The following CDIN1 variants were observed in gnomAD, a reference collection of about 807,000 sequenced individuals.
CDIN1 encodes CDAN1-interacting nuclease 1.
CDIN1 carries 33 observed loss-of-function variants against 45.3 expected under a neutral mutation model. The ratio of observed to expected loss-of-function variants is 0.73; its 90% confidence interval spans 0.55 to 0.97. CDIN1 has a LOEUF of 0.97. Ranked by LOEUF, CDIN1 falls within the 50% of genes least tolerant of loss-of-function variation. The probability of loss-of-function intolerance (pLI) is 0.00; values close to 1 mark genes in which losing one functional copy is unlikely to be tolerated. For synonymous variants in CDIN1, 118 were observed against 124.4 expected (o/e 0.95, Z 0.34); for missense variants, 303 against 339.4 (o/e 0.89, Z 0.84).
chr15:36,791,764 A>T (rs11634819), intron 10 of CDIN1, among the ~76,000 whole-genome samples: 130,627 of 152,002 alleles, frequency 0.86, 59,669 homozygotes, highest in Non-Finnish European at 1. Context: ...GATGTGTTTT[A>T]GCAGTGGTCC....
intron 5 of CDIN1, among the ~76,000 whole-genome samples, chr15:36,680,911 A>G (rs1242982239): frequency 1.3e-5 from 2 of 152,184 alleles, no homozygotes; most frequent in Non-Finnish European, 2.9e-5. Context: ...TTGCAAAACT[A>G]AACATGAAAC....
At chr15:36,622,217 C>G (rs752951375) in intron 1 of CDIN1, among the ~76,000 whole-genome samples, 2 of 151,812 alleles carry the variant, frequency 1.3e-5, no homozygotes, top group African/African-American at 2.4e-5. Context: ...AGTTTATATG[C>G]AAAATAGGTC....
At chr15:36,709,176 G>A in intron 8 of CDIN1, 47 bp from the exon 9 acceptor site, 5 of 1,474,866 alleles carry the variant, frequency 3.4e-6, no homozygotes, top group South Asian at 1.3e-5. Flanking sequence ...TTCCTATCTT[G>A]TTAATTGAAT....
At chr15:36,773,473 G>A (rs151302583) in intron 10 of CDIN1, among the ~76,000 whole-genome samples, 21 of 152,180 alleles carry the variant, frequency 1.4e-4, no homozygotes, top group Non-Finnish European at 1.5e-4. Flanking sequence ...AATATTACAC[G>A]TGGCTAGTGG....
intron 10 of CDIN1, among the ~76,000 whole-genome samples, chr15:36,796,976 A>G (rs980607347): frequency 6.6e-6 from 1 of 152,222 alleles, no homozygotes; most frequent in Non-Finnish European, 1.5e-5. Context: ...AATACATTAA[A>G]AGCCGCACAA....
At chr15:36,765,118 C>T (rs1435168174) in intron 10 of CDIN1, among the ~76,000 whole-genome samples, 6 of 141,890 alleles carry the variant, frequency 4.2e-5, no homozygotes, top group East Asian at 2.1e-4. Context: ...TGCAGTGGTG[C>T]GATCTCAGCT....
At chr15:36,663,930 A>G (rs1358737694) in intron 5 of CDIN1, among the ~76,000 whole-genome samples, 1 of 152,200 alleles carries the variant, frequency 6.6e-6, no homozygotes, top group Non-Finnish European at 1.5e-5. Flanking sequence ...AAATGTGTTG[A>G]AGTAAGGTAA....
intron 5 of CDIN1, among the ~76,000 whole-genome samples, chr15:36,684,721 G>A (rs946810055): frequency 2.2e-4 from 34 of 152,166 alleles, no homozygotes; most frequent in African/African-American, 8.2e-4. Flanking sequence ...GACTGTTTTT[G>A]GTTGGTAAGC....
chr15:36,709,148 GAAAT>G, intron 8 of CDIN1, 71 bp from the exon 9 acceptor site: 1 of 1,260,224 alleles, frequency 7.9e-7, no homozygotes, highest in South Asian at 1.7e-5. Context: ...ACATATTTAA[GAAAT>G]AAAAACAAAT....
chr15:36,795,979 T>G (rs1429205607), intron 10 of CDIN1, among the ~76,000 whole-genome samples: 1 of 152,236 alleles, frequency 6.6e-6, no homozygotes, highest in Admixed American at 6.5e-5. Context: ...TGACCTAGTT[T>G]ACTCACGTTT....
chr15:36,693,832 GT>G (rs1290317852), intron 7 of CDIN1, among the ~76,000 whole-genome samples: 5 of 152,086 alleles, frequency 3.3e-5, no homozygotes, highest in African/African-American at 1.2e-4. Context: ...AAGTCTAAGT[GT>G]TTTTGCTTAT....
chr15:36,740,290 A>G (rs1219885743), intron 10 of CDIN1, among the ~76,000 whole-genome samples: 4 of 152,074 alleles, frequency 2.6e-5, no homozygotes, highest in African/African-American at 9.7e-5. Flanking sequence ...GTGGGATATG[A>G]GTGAGGTAGA....
At chr15:36,665,840 A>G (rs1382825544) in intron 5 of CDIN1, among the ~76,000 whole-genome samples, 2 of 152,186 alleles carry the variant, frequency 1.3e-5, no homozygotes, top group African/African-American at 4.8e-5. Flanking sequence ...TAATATTTAT[A>G]ATACAGTGGA....
chr15:36,771,665 C>G (rs934379594), intron 10 of CDIN1, among the ~76,000 whole-genome samples: 2 of 152,164 alleles, frequency 1.3e-5, no homozygotes, highest in Non-Finnish European at 2.9e-5. Flanking sequence ...GACAGTGGCT[C>G]CCGCCTGTAA....
At chr15:36,600,611 G>A (rs1268725187) in intron 1 of CDIN1, among the ~76,000 whole-genome samples, 1 of 152,112 alleles carries the variant, frequency 6.6e-6, no homozygotes, top group African/African-American at 2.4e-5. Flanking sequence ...TTTTTTTCCA[G>A]GTAACAGATT....
At chr15:36,750,759 A>C (rs2053438461) in intron 10 of CDIN1, among the ~76,000 whole-genome samples, 1 of 152,150 alleles carries the variant, frequency 6.6e-6, no homozygotes, top group Non-Finnish European at 1.5e-5. Context: ...GCCAGTTCCG[A>C]AACTTTTTAA....
chr15:36,625,137 C>T (rs1036486998), intron 1 of CDIN1, among the ~76,000 whole-genome samples: 3 of 151,474 alleles, frequency 2.0e-5, no homozygotes, highest in East Asian at 1.9e-4. Flanking sequence ...AAAAATTAGC[C>T]GGGTGTGGTG....
chr15:36,685,711 A>G (rs999495216), intron 5 of CDIN1, among the ~76,000 whole-genome samples: 3 of 152,220 alleles, frequency 2.0e-5, no homozygotes, highest in African/African-American at 4.8e-5. Context: ...ACAAATTTAC[A>G]AGAAAAAAAC....
chr15:36,614,080 T>G (rs2038774060), intron 1 of CDIN1: 2 of 910,262 alleles, frequency 2.2e-6, no homozygotes, highest in Non-Finnish European at 3.6e-6. Context: ...GTGCTGAGTT[T>G]GCTGAGAGAT....
Sources: gnomAD v4.1 joint callset for allele counts (sites outside exome capture counted in the v4.1 genomes callset) on GRCh38, gnomAD v4.1.1 for gene constraint, MANE v1.5 for transcripts, NCBI Gene and HGNC (gene_info 2026-07-23, HGNC 2026-07-21) for gene names.